Variants in GOLIM4 observed in about 807,000 individuals in gnomAD.
GOLIM4 encodes golgi integral membrane protein 4.
Under a neutral mutation model 107.4 loss-of-function variants are expected in GOLIM4, and 71 were observed. The observed-to-expected ratio is 0.66, with a 90% confidence interval of 0.55 to 0.81. The LOEUF (loss-of-function observed/expected upper bound fraction) is 0.81, where lower values mean the gene tolerates loss of function less well. Among genes scored for constraint, GOLIM4 ranks in the 30% least tolerant of loss-of-function variants. The probability of loss-of-function intolerance (pLI) is 0.00; values close to 1 mark genes in which losing one functional copy is unlikely to be tolerated. For synonymous variants in GOLIM4, 327 were observed against 294.8 expected, an observed-to-expected ratio of 1.11 and a Z score of -1.12; for missense variants, 830 against 826.1, an observed-to-expected ratio of 1.00 and a Z score of -0.06.
At chr3:168,013,136 A>T (rs1283742097) in intron 14 of GOLIM4, among the ~76,000 whole-genome samples, 1 of 151,754 alleles carries the variant, frequency 6.6e-6, no homozygotes, top group East Asian at 1.9e-4. Flanking sequence ...TGCTGTATTC[A>T]GGAAACCCAT....
rs1025962987 is a variant in GOLIM4 at position 168,009,238 on chromosome 3, T to A, written c.*1031A>T. 1 of 151,850 alleles carries A rather than the reference T, an allele frequency of 6.6e-6. No individual in the cohort carries two copies. Among genetic ancestry groups the A allele is most frequent in the Non-Finnish European group, 1.5e-5 (1 of 67,934 alleles). The allele number at this position is 151,850 out of a possible 1,614,324, so 9.4% of individuals were successfully genotyped here. A position where few individuals can be genotyped will look rare whatever the true frequency, so the allele number is the denominator to read the frequency against. The stretch of plus-strand genomic sequence containing the variant: ...CCAATCCCAGCAAACAGAAAAACCA[T>A]AAGTCTATCATATCACCATATGTTT... On this transcript the variant is annotated 3_prime_UTR_variant, in exon 16 of 16. Transcript: ENST00000470487.
intron 14 of GOLIM4, among the ~76,000 whole-genome samples, chr3:168,016,323 A>G (rs1441776290): frequency 7.4e-6 from 1 of 134,654 alleles, no homozygotes; most frequent in East Asian, 2.0e-4. Flanking sequence ...AGAGAAATGC[A>G]AATCAAAACC....
chr3:168,034,752 T>A (rs1718540016), intron 8 of GOLIM4, among the ~76,000 whole-genome samples: 1 of 152,136 alleles, frequency 6.6e-6, no homozygotes, highest in Non-Finnish European at 1.5e-5. Flanking sequence ...TGGGGTCAAG[T>A]CTTTCCCGTG....
intron 1 of GOLIM4, among the ~76,000 whole-genome samples, chr3:168,054,676 T>G (rs1719845699): frequency 6.6e-6 from 1 of 152,068 alleles, no homozygotes; most frequent in South Asian, 2.1e-4. Context: ...AAAATAATAA[T>G]TTTTACTTAT....
chr3:168,073,016 A>C lies in GOLIM4; in HGVS notation c.187+22083T>G, dbSNP rs73878629. Among the ~76,000 whole-genome samples the C allele has an allele frequency of 2.0e-3, 305 of 152,348 alleles. 2 individuals are homozygous for C. The highest frequency in any genetic ancestry group is 6.9e-3 in the African/African-American group (288 of 41,584). ...AATACTTACGTAGACCAGGCTTCCTAATTTTTTTGTTGTTGCTAAAAAAAT... is the reference window on the plus strand; with the variant it reads ...AATACTTACGTAGACCAGGCTTCCTCATTTTTTTGTTGTTGCTAAAAAAAT... On this transcript the variant is annotated intron_variant, in intron 1 of 15. Coordinates refer to ENST00000470487, the MANE Select transcript of GOLIM4 (RefSeq NM_014498.5).
rs766047462 is a variant in GOLIM4, at chr3:168,032,723, C to T, written c.973G>A (p.Val325Met). The T allele has an allele frequency of 5.6e-6, 9 of 1,613,990 alleles. No individual in the cohort carries two copies. The highest frequency in any genetic ancestry group is 5.0e-5 in the Admixed American group (3 of 59,990). ...TGCTCCTCAGGTTCTCTGCGTTCCA[C>T]TTCTTGTTGGATTGGCTCTGGGGGA... ...QAPPEPIQQE[V>M]ERREPEEHQV... The change falls in exon 9 of 16, where the codon GTG becomes ATG. Residue 325 changes from valine (V) to methionine (M), a missense_variant. Physicochemically the swap from Val to Met is conservative, Grantham distance 21. Transcript: ENST00000470487.
At chr3:168,025,485 TG>T (rs1161313976) in intron 12 of GOLIM4, among the ~76,000 whole-genome samples, 1 of 152,230 alleles carries the variant, frequency 6.6e-6, no homozygotes, top group Non-Finnish European at 1.5e-5. Context: ...TAACTCTTTT[TG>T]CTATGTTGAT....
intron 8 of GOLIM4, among the ~76,000 whole-genome samples, chr3:168,033,604 C>A: frequency 3.4e-5 from 1 of 29,792 alleles, no homozygotes; most frequent in East Asian, 2.0e-3. Flanking sequence ...AAGACTCCGT[C>A]TCAAAAAAAA....
chr3:168,088,733 T>C (rs557531889), intron 1 of GOLIM4, among the ~76,000 whole-genome samples: 1 of 152,344 alleles, frequency 6.6e-6, no homozygotes, highest in South Asian at 2.1e-4. Context: ...TTCTCTCCAA[T>C]CCTTTGCTTT....
Position 168,009,131 on chromosome 3 carries a change from T to C in GOLIM4, c.*1138A>G, listed in dbSNP as rs1055865890. 6.6e-6 allele frequency: 1 copy of C among 152,054 alleles called. No individual in the cohort carries two copies. The highest frequency in any genetic ancestry group is 2.4e-5 in the African/African-American group (1 of 41,446). The allele number at this position is 152,054 out of a possible 1,614,324, so 9.4% of individuals were successfully genotyped here. On this transcript the variant is annotated 3_prime_UTR_variant, in exon 16 of 16. Coordinates refer to ENST00000470487, the MANE Select transcript of GOLIM4 (RefSeq NM_014498.5). ...AAATGTCTCTACTCCAAGGGAAGTT[T>C]CTGATTTTTAATTTTCTTATTTTAA... is the stretch of plus-strand genomic sequence containing the variant.
At chr3:168,030,630 G>A (rs1718276616) in intron 9 of GOLIM4, among the ~76,000 whole-genome samples, 1 of 151,692 alleles carries the variant, frequency 6.6e-6, no homozygotes, top group African/African-American at 2.4e-5. Context: ...AGGGAAATCT[G>A]ATACAGCAAT....
chr3:168,049,892 T>A (rs181462302), intron 1 of GOLIM4, among the ~76,000 whole-genome samples: 13 of 152,288 alleles, frequency 8.5e-5, no homozygotes, highest in Non-Finnish European at 4.4e-5. Context: ...ACTTCCATTC[T>A]CAGGACTCCA....
chr3:168,041,543 A>G, intron 5 of GOLIM4, 69 bp from the exon 6 acceptor site: 1 of 742,062 alleles, frequency 1.3e-6, no homozygotes, highest in Non-Finnish European at 2.3e-6. Context: ...TATTATTTTC[A>G]TATCTAAAGC....
chr3:168,068,142 AAT>A (rs1306508800), intron 1 of GOLIM4, among the ~76,000 whole-genome samples: 1 of 152,146 alleles, frequency 6.6e-6, no homozygotes, highest in Admixed American at 6.5e-5. Context: ...ATTTGATGAA[AAT>A]ATATATGTGA....
At position 168,040,855 on chromosome 3, in the gene GOLIM4, AT is replaced by A. The variant is rs1428980417; in HGVS notation, c.614del (p.Asn205IlefsTer10). On this transcript the variant is annotated frameshift_variant, in exon 7 of 16. Transcript: ENST00000470487. LOFTEE classifies it high-confidence loss of function. The stretch of plus-strand genomic sequence containing the variant: ...CAAGTTGTTCATGCTCGGAGAGTAA[AT>A]TCTTATGCTGTTGCTACACAAAAAA... ...QLQDVKQQHKNLLSEHEQLVV... is the reference protein window; with the variant it reads ...QLQDVKQQHKXLLSEHEQLVV... The A allele has an allele frequency of 2.5e-6, 4 of 1,610,738 alleles. No homozygotes were observed. The highest frequency in any genetic ancestry group is 3.4e-6 in the Non-Finnish European group (4 of 1,177,064).
At chr3:168,040,540 C>T (rs1277733803) in intron 7 of GOLIM4, among the ~76,000 whole-genome samples, 2 of 152,186 alleles carry the variant, frequency 1.3e-5, no homozygotes, top group East Asian at 1.9e-4. Context: ...TATTAGACTA[C>T]TGCATGTAGG....
chr3:168,081,925 T>C (rs1054263750), intron 1 of GOLIM4, among the ~76,000 whole-genome samples: 1 of 152,110 alleles, frequency 6.6e-6, no homozygotes, highest in Non-Finnish European at 1.5e-5. Context: ...GGGTTAATAG[T>C]CAGGGCTTAA....
intron 1 of GOLIM4, among the ~76,000 whole-genome samples, chr3:168,082,800 C>CA (rs1721440153): frequency 6.6e-6 from 1 of 151,966 alleles, no homozygotes; most frequent in Non-Finnish European, 1.5e-5. Context: ...GGCACCCATA[C>CA]ACACAGCAAT....
chr3:168,032,741 C>G lies in GOLIM4; in HGVS notation c.955G>C (p.Glu319Gln). Reference protein sequence around the residue: ...HKEAEFQAPPEPIQQEVERRE... With the variant: ...HKEAEFQAPPQPIQQEVERRE... ...CGTTCCACTTCTTGTTGGATTGGCT[C>G]TGGGGGAGCCTGAAATTCTGCCTCC... The change falls in exon 9 of 16, where the codon GAG (glutamate) becomes CAG (glutamine). Residue 319 changes from glutamate (E) to glutamine (Q), a missense_variant. Coordinates refer to ENST00000470487, the MANE Select transcript of GOLIM4 (RefSeq NM_014498.5). 6.2e-7 allele frequency: 1 copy of G among 1,614,092 alleles called. No individual in the cohort carries two copies. The highest frequency in any genetic ancestry group is 8.5e-7 in the Non-Finnish European group (1 of 1,180,028).
Sources: allele counts gnomAD v4.1 joint callset (sites outside exome capture counted in the v4.1 genomes callset), GRCh38; gene constraint gnomAD v4.1.1; transcripts MANE v1.5; gene names NCBI Gene and HGNC (gene_info 2026-07-23, HGNC 2026-07-21).